ADAM9: variants seen among roughly 807,000 people sequenced by gnomAD.
ADAM9 encodes the protein disintegrin and metalloproteinase domain-containing protein 9.
ADAM9 carries 54 observed loss-of-function variants against 108.1 expected under a neutral mutation model. The ratio of observed to expected loss-of-function variants is 0.50; its 90% CI spans 0.40 to 0.63. The LOEUF (loss-of-function observed/expected upper bound fraction) is 0.63, where lower values mean the gene tolerates loss of function less well. ADAM9 is among the 20% of genes least tolerant of loss of function. The pLI, the probability that ADAM9 is intolerant of heterozygous loss-of-function variation, is 0.00. For missense variants in ADAM9, 830 were observed against 997.7 expected, an observed-to-expected ratio of 0.83 and a Z score of 2.26; for synonymous variants, 316 against 336.0, an observed-to-expected ratio of 0.94 and a Z score of 0.65.
Position 39,104,385 on chromosome 8 carries a change from G to T in ADAM9, c.*685G>T. 1 of 440,110 alleles carries T rather than the reference G, an allele frequency of 2.3e-6. No homozygotes were observed. Among genetic ancestry groups the T allele is most frequent in the Non-Finnish European group, 4.6e-6 (1 of 219,328 alleles). 27.3% of individuals were successfully genotyped at this position (440,110 alleles called of 1,614,324 possible). A position where few individuals can be genotyped will look rare whatever the true frequency, so the allele number is the denominator to read the frequency against. On this transcript the variant is annotated 3_prime_UTR_variant, in exon 22 of 22. Coordinates refer to ENST00000487273, the MANE Select transcript of ADAM9 (RefSeq NM_003816.3). The stretch of plus-strand genomic sequence containing the variant: ...TCAACTATAGGTAATAACTCTTAGA[G>T]AAATTAATTTAATATTAGAATTTCT...
At chr8:39,016,247 C>T in intron 5 of ADAM9, 53 bp downstream of exon 5, 1 of 1,470,682 alleles carries the variant, frequency 6.8e-7, no homozygotes, top group Non-Finnish European at 9.5e-7. Flanking sequence ...GTCTTACCCT[C>T]TTTCCTGTTT....
At chr8:39,023,401 T>A in intron 9 of ADAM9, 76 bp downstream of exon 9, 1 of 1,431,356 alleles carries the variant, frequency 7.0e-7, no homozygotes, top group Non-Finnish European at 9.5e-7. Flanking sequence ...TGTATTAGAA[T>A]TATATTCTCT....
intron 7 of ADAM9, among the ~76,000 whole-genome samples, chr8:39,020,939 A>G (rs1230143685): frequency 6.6e-6 from 1 of 152,216 alleles, no homozygotes; most frequent in African/African-American, 2.4e-5. Flanking sequence ...TAAGAGGTGA[A>G]AGGGTCAGGA....
intron 12 of ADAM9, among the ~76,000 whole-genome samples, chr8:39,053,112 C>CT (rs1219500269): frequency 2.0e-5 from 3 of 152,026 alleles, no homozygotes; most frequent in Non-Finnish European, 4.4e-5. Flanking sequence ...TTTTCATGTG[C>CT]TTTTTTGCCA....
At chr8:39,067,777 G>GT (rs1232807109) in intron 14 of ADAM9, among the ~76,000 whole-genome samples, 1 of 152,090 alleles carries the variant, frequency 6.6e-6, no homozygotes, top group East Asian at 1.9e-4. Flanking sequence ...ACTTCCAACA[G>GT]TATGTTGAAT....
Position 39,090,089 on chromosome 8 carries a change from T to C in ADAM9, c.2111T>C (p.Phe704Ser). The change falls in exon 19 of 22, where the codon TTC becomes TCC. Residue 704 changes from phenylalanine (F) to serine (S), a missense_variant. Phe to Ser is a radical substitution (Grantham distance 155). Around this residue, in one of 3 missense-constraint regions of ADAM9, gnomAD observed 238 missense variants for 235.7 expected, o/e 1.01. Coordinates refer to ENST00000487273, the MANE Select transcript of ADAM9 (RefSeq NM_003816.3). ...AGGGACGGACTTCTGGTCTTCTTCT[T>C]CCTAATTGTTCCCCTTATTGTCTGT... ...ALRDGLLVFF[F>S]LIVPLIVCAI... The C allele has an allele frequency of 6.2e-7, 1 of 1,614,008 alleles. No individual in the cohort carries two copies. The highest frequency in any genetic ancestry group is 8.5e-7 in the Non-Finnish European group (1 of 1,179,942).
At chr8:39,013,343 A>G (rs952924534) in intron 3 of ADAM9, among the ~76,000 whole-genome samples, 4 of 150,702 alleles carry the variant, frequency 2.7e-5, no homozygotes, top group Admixed American at 6.7e-5. Context: ...CCTGTGAGCC[A>G]TATCTGAAAA....
intron 18 of ADAM9, among the ~76,000 whole-genome samples, chr8:39,089,572 A>G (rs1839284700): frequency 6.6e-6 from 1 of 152,226 alleles, no homozygotes; most frequent in Admixed American, 6.5e-5. Flanking sequence ...TATTCATTAT[A>G]GCAGTTTTTT....
chr8:39,094,033 A>G (rs538017470), intron 20 of ADAM9, among the ~76,000 whole-genome samples: 1 of 152,272 alleles, frequency 6.6e-6, no homozygotes, highest in South Asian at 2.1e-4. Context: ...CGGCCTCCCA[A>G]AGTGCTGGGA....
chr8:39,075,664 G>C (rs1228578889), intron 15 of ADAM9, among the ~76,000 whole-genome samples: 1 of 152,126 alleles, frequency 6.6e-6, no homozygotes, highest in African/African-American at 2.4e-5. Context: ...TATTCTAAGA[G>C]TATTTTCCTT....
intron 12 of ADAM9, among the ~76,000 whole-genome samples, chr8:39,045,384 A>AC (rs575204301): frequency 5.2e-4 from 10 of 19,196 alleles, no homozygotes; most frequent in Non-Finnish European, 8.4e-4. Context: ...ATACACCTAT[A>AC]GGTGTGTGTA....
intron 14 of ADAM9, among the ~76,000 whole-genome samples, chr8:39,068,225 G>T (rs1217488057): frequency 1.3e-5 from 2 of 152,166 alleles, no homozygotes; most frequent in African/African-American, 4.8e-5. Context: ...CTAGGCTCAT[G>T]GGGGAGGCTT....
chr8:39,093,745 G>A (rs1839420203), intron 20 of ADAM9, among the ~76,000 whole-genome samples: 1 of 152,044 alleles, frequency 6.6e-6, no homozygotes, highest in Admixed American at 6.6e-5. Context: ...AGCCTTTATT[G>A]TTCTGAGGTT....
chr8:39,037,014 C>G (rs1399833827), intron 11 of ADAM9, among the ~76,000 whole-genome samples: 2 of 147,830 alleles, frequency 1.4e-5, no homozygotes, highest in South Asian at 2.1e-4. Flanking sequence ...AAATTAGGGA[C>G]TAAAATATAG....
chr8:39,071,449 C>T, intron 15 of ADAM9, 46 bp downstream of exon 15: 1 of 1,292,710 alleles, frequency 7.7e-7, no homozygotes, highest in Non-Finnish European at 1.1e-6. Context: ...ATTATAAGAT[C>T]CGTCATCTCT....
chr8:39,048,509 G>T (rs562373343), intron 12 of ADAM9, among the ~76,000 whole-genome samples: 44 of 152,280 alleles, frequency 2.9e-4, no homozygotes, highest in African/African-American at 1.0e-3. Context: ...TGAGCCTGGA[G>T]AGAGTTCCAT....
At chr8:39,036,473 A>AT (rs558579221) in intron 11 of ADAM9, among the ~76,000 whole-genome samples, 32 of 148,110 alleles carry the variant, frequency 2.2e-4, no homozygotes, top group South Asian at 1.5e-3. Flanking sequence ...GATAGTTGAA[A>AT]TTTTTTTTTT....
At chr8:39,061,864 G>A (rs150708370) in intron 14 of ADAM9, among the ~76,000 whole-genome samples, 40 of 152,246 alleles carry the variant, frequency 2.6e-4, no homozygotes, top group African/African-American at 9.1e-4. Flanking sequence ...GAATTTTAGA[G>A]GGGACAGACA....
chr8:39,083,716 A>C (rs765950824), intron 18 of ADAM9, among the ~76,000 whole-genome samples: 2 of 152,174 alleles, frequency 1.3e-5, no homozygotes, highest in Non-Finnish European at 2.9e-5. Context: ...TGTTAGCACT[A>C]TCTGTTAGCA....
Sources: allele counts gnomAD v4.1 joint callset (sites outside exome capture counted in the v4.1 genomes callset), GRCh38; gene constraint gnomAD v4.1.1; regional missense constraint gnomAD v4.1.1; transcripts MANE v1.5; gene names NCBI Gene and HGNC (gene_info 2026-07-23, HGNC 2026-07-21).